MGAT4A: variants seen among roughly 807,000 people sequenced by gnomAD.
MGAT4A encodes the protein alpha-1,3-mannosyl-glycoprotein 4-beta-N-acetylglucosaminyltransferase A.
MGAT4A carries 33 observed loss-of-function variants against 74.1 expected under a neutral mutation model. The ratio of observed to expected loss-of-function variants is 0.45; its 90% confidence interval spans 0.34 to 0.60. The LOEUF (loss-of-function observed/expected upper bound fraction) is 0.60, where lower values mean the gene tolerates loss of function less well. Among genes scored for constraint, MGAT4A ranks in the 20% least tolerant of loss-of-function variants. The pLI is 0.02. For synonymous variants in MGAT4A, 198 were observed against 210.4 expected, an observed-to-expected ratio of 0.94 and a Z score of 0.51; for missense variants, 479 against 628.3, an observed-to-expected ratio of 0.76 and a Z score of 2.54.
In MGAT4A at chr2:98,663,066, TA is replaced by T; in HGVS notation, c.516del (p.Ile173Ter). ...ATTACCTCTCCTATGAAGACTACTA[TA>T]ACACAGTCCAACTTCTCTTCAGGAT... The part of the protein sequence containing the change: ...NLYPEEKLDC[V>X]IVVFIGETDI... On this transcript the variant is annotated frameshift_variant, in exon 5 of 16. Coordinates refer to ENST00000393487, the MANE Select transcript of MGAT4A (RefSeq NM_012214.3). LOFTEE classifies it high-confidence loss of function. 1 of 1,582,804 alleles carries T rather than the reference TA, an allele frequency of 6.3e-7. No homozygotes were observed. Among genetic ancestry groups the T allele is most frequent in the South Asian group, 1.2e-5 (1 of 85,806 alleles).
At chr2:98,645,940 G>A (rs1327665632) in intron 8 of MGAT4A, among the ~76,000 whole-genome samples, 1 of 152,116 alleles carries the variant, frequency 6.6e-6, no homozygotes, top group African/African-American at 2.4e-5. Flanking sequence ...GGGGTAGAAA[G>A]CACAAAGAAA....
chr2:98,625,302 G>T lies in MGAT4A; in HGVS notation c.*264C>A. On this transcript the variant is annotated 3_prime_UTR_variant, in exon 16 of 16. Transcript: ENST00000393487. ...CAATATGTACAACTCTTATGTATTAGTATAATACCAAAATAGTACAAGTCA... is the reference window on the plus strand; with the variant it reads ...CAATATGTACAACTCTTATGTATTATTATAATACCAAAATAGTACAAGTCA... 8.4e-7 allele frequency: 1 copy of T among 1,189,788 alleles called. No homozygotes were observed. Among genetic ancestry groups the T allele is most frequent in the Non-Finnish European group, 1.1e-6 (1 of 937,522 alleles). The allele number at this position is 1,189,788 out of a possible 1,614,324, so 73.7% of individuals were successfully genotyped here. A position where few individuals can be genotyped will look rare whatever the true frequency, so the allele number is the denominator to read the frequency against.
chr2:98,663,608 G>T, intron 4 of MGAT4A: 1 of 510,726 alleles, frequency 2.0e-6, no homozygotes, highest in Non-Finnish European at 3.0e-6. Context: ...CAACTTAACC[G>T]TAAAGAAACA....
At chr2:98,626,183 A>G (rs1701141181) in intron 14 of MGAT4A, among the ~76,000 whole-genome samples, 2 of 152,208 alleles carry the variant, frequency 1.3e-5, no homozygotes, top group Admixed American at 6.5e-5. Flanking sequence ...TATAATCTGT[A>G]CCATCACGCA....
intron 9 of MGAT4A, among the ~76,000 whole-genome samples, chr2:98,644,815 G>A (rs554266390): frequency 6.6e-6 from 1 of 152,170 alleles, no homozygotes; most frequent in Non-Finnish European, 1.5e-5. Flanking sequence ...TGTATTTTTA[G>A]TAGAGACAGG....
intron 5 of MGAT4A, among the ~76,000 whole-genome samples, chr2:98,659,962 G>GA (rs2104266243): frequency 8.5e-6 from 1 of 117,098 alleles, no homozygotes; most frequent in South Asian, 3.0e-4. Flanking sequence ...TAATACTTGA[G>GA]AAAAACAAAC....
chr2:98,633,943 T>C (rs1215224785), intron 14 of MGAT4A, among the ~76,000 whole-genome samples: 1 of 152,218 alleles, frequency 6.6e-6, no homozygotes, highest in Non-Finnish European at 1.5e-5. Context: ...TAGCCAGGGT[T>C]ATTGTGCAAG....
rs75372144 is a variant in MGAT4A, at chr2:98,690,624, G to A, written c.95-12153C>T. Among the ~76,000 whole-genome samples the A allele has an allele frequency of 4.3e-3, 659 of 152,204 alleles. 8 individuals carry two copies. Among genetic ancestry groups the A allele is most frequent in the African/African-American group, 0.015 (639 of 41,532 alleles). On this transcript the variant is annotated intron_variant, in intron 2 of 15. Coordinates refer to ENST00000393487, the MANE Select transcript of MGAT4A (RefSeq NM_012214.3). ...ACAACTGAAAATCACTCATAATATT[G>A]AGAACCAGGAAAATCTCAACATCAG...
intron 14 of MGAT4A, among the ~76,000 whole-genome samples, chr2:98,631,297 C>T (rs773423483): frequency 6.6e-6 from 1 of 152,236 alleles, no homozygotes; most frequent in Non-Finnish European, 1.5e-5. Context: ...ATTCAGGCCC[C>T]TCTCCAGGGC....
At chr2:98,688,917 T>G (rs1325769264) in intron 2 of MGAT4A, among the ~76,000 whole-genome samples, 1 of 152,226 alleles carries the variant, frequency 6.6e-6, no homozygotes, top group East Asian at 1.9e-4. Context: ...AATACAGATA[T>G]AGGATCTCAG....
rs984458977 is a variant in MGAT4A, at chr2:98,622,473, A to G, written c.*3093T>C. On this transcript the variant is annotated 3_prime_UTR_variant, in exon 16 of 16. Transcript: ENST00000393487. ...AGTCCCAACCTTTGACACTTTTTCC[A>G]TTTACTATTTTGGTAAAATGATTCG... 2.3e-5 allele frequency: 23 copies of G among 985,288 alleles called. No individual in the cohort carries two copies. Among genetic ancestry groups the G allele is most frequent in the Non-Finnish European group, 2.8e-5 (23 of 829,944 alleles). The allele number at this position is 985,288 out of a possible 1,614,324, so 61.0% of individuals were successfully genotyped here. A position where few individuals can be genotyped will look rare whatever the true frequency, so the allele number is the denominator to read the frequency against.
rs143564444 is a variant in MGAT4A at position 98,706,487 on chromosome 2, G to A, written c.94+19752C>T. 8.8e-3 allele frequency among the ~76,000 whole-genome samples: 1,335 copies of A among 152,044 alleles called. 16 individuals are homozygous for A. The highest frequency in any genetic ancestry group is 0.031 in the African/African-American group (1,279 of 41,442). On this transcript the variant is annotated intron_variant, in intron 2 of 15. Transcript: ENST00000393487. ...AGGGACTATAGGCGCCCACCACCAT[G>A]CCCAGCTAATTTTTGTATTTTTAGT...
At chr2:98,678,751 A>C (rs1702014832) in intron 2 of MGAT4A, among the ~76,000 whole-genome samples, 1 of 152,192 alleles carries the variant, frequency 6.6e-6, no homozygotes, top group Admixed American at 6.5e-5. Flanking sequence ...AAGATGGATA[A>C]AATGATAAAA....
At position 98,621,743 on chromosome 2, in the gene MGAT4A, C is replaced by T. The variant is rs912412141; in HGVS notation, c.*3823G>A. 44 of 1,221,300 alleles carry T rather than the reference C, an allele frequency of 3.6e-5. No individual in the cohort carries two copies. The highest frequency in any genetic ancestry group is 4.1e-5 in the Non-Finnish European group (40 of 978,816). 75.7% of individuals were successfully genotyped at this position (1,221,300 alleles called of 1,614,324 possible). A position where few individuals can be genotyped will look rare whatever the true frequency, so the allele number is the denominator to read the frequency against. On this transcript the variant is annotated 3_prime_UTR_variant, in exon 16 of 16. Transcript: ENST00000393487. The stretch of plus-strand genomic sequence containing the variant: ...AACGTGCTGTTTCCACATAACCAGT[C>T]TTTTCTTTGAGGGACAGCACTGTTG...
At chr2:98,647,109 T>C (rs1258514064) in intron 8 of MGAT4A, among the ~76,000 whole-genome samples, 1 of 152,188 alleles carries the variant, frequency 6.6e-6, no homozygotes, top group Non-Finnish European at 1.5e-5. Context: ...CATTAGCAAT[T>C]ACAGAATTAG....
chr2:98,715,337 A>G (rs1298051471), intron 2 of MGAT4A, among the ~76,000 whole-genome samples: 1 of 151,578 alleles, frequency 6.6e-6, no homozygotes, highest in African/African-American at 2.4e-5. Flanking sequence ...AAAAAAAAAA[A>G]AAGAAATGAG....
At chr2:98,630,091 T>C (rs1456810723) in intron 14 of MGAT4A, among the ~76,000 whole-genome samples, 1 of 152,136 alleles carries the variant, frequency 6.6e-6, no homozygotes, top group Non-Finnish European at 1.5e-5. Context: ...TTGAAGATAA[T>C]GCAGTTGAAG....
intron 2 of MGAT4A, among the ~76,000 whole-genome samples, chr2:98,708,138 G>GT (rs200805891): frequency 0.018 from 2,624 of 145,054 alleles, 40 homozygotes; most frequent in Middle Eastern, 0.057. Context: ...AGTGAGCTCA[G>GT]TTTTTTTTTT....
At chr2:98,720,603 T>C (rs1702654952) in intron 2 of MGAT4A, among the ~76,000 whole-genome samples, 1 of 145,514 alleles carries the variant, frequency 6.9e-6, no homozygotes, top group African/African-American at 2.6e-5. Flanking sequence ...AAATCTTGTG[T>C]GTGCGTGCAC....
Sources: gnomAD v4.1 joint callset for allele counts (sites outside exome capture counted in the v4.1 genomes callset) on GRCh38, gnomAD v4.1.1 for gene constraint, MANE v1.5 for transcripts, NCBI Gene and HGNC (gene_info 2026-07-23, HGNC 2026-07-21) for gene names.